The following MAPK6 variants were observed in gnomAD, a reference collection of about 807,000 sequenced individuals.
The protein encoded by MAPK6 is ERK-3.
A neutral mutation model predicts 59.3 loss-of-function variants in MAPK6; 19 were observed. The observed-to-expected ratio is 0.32, with a 90% CI of 0.22 to 0.47. The LOEUF (loss-of-function observed/expected upper bound fraction) is 0.47. Among genes scored for constraint, MAPK6 ranks in the 20% least tolerant of loss-of-function variants. The pLI, the probability that MAPK6 is intolerant of heterozygous loss-of-function variation, is 1.00. For missense variants in MAPK6, 724 were observed against 847.9 expected (o/e 0.85, Z 1.81); for synonymous variants, 316 against 290.3 (o/e 1.09, Z -0.90).
intron 1 of MAPK6, among the ~76,000 whole-genome samples, chr15:52,029,633 C>A (rs561686071): frequency 6.6e-6 from 1 of 152,182 alleles, no homozygotes; most frequent in Admixed American, 6.5e-5. Context: ...CCATAATATT[C>A]TTCCAGTCTT....
chr15:51,996,622 C>T (rs111571533), intron 2 of MAPK6, among the ~76,000 whole-genome samples: 6,080 of 152,072 alleles, frequency 0.04, 287 homozygotes, highest in African/African-American at 0.1. Flanking sequence ...TCTCGAACTC[C>T]TGGCCTCAAG....
At chr15:52,060,286 G>A (rs1318228072) in intron 4 of MAPK6, among the ~76,000 whole-genome samples, 2 of 152,184 alleles carry the variant, frequency 1.3e-5, no homozygotes, top group African/African-American at 4.8e-5. Flanking sequence ...CTAGAGTACA[G>A]GTTGGCTTGA....
At chr15:51,989,401 A>T (rs2057201374) in intron 2 of MAPK6, among the ~76,000 whole-genome samples, 1 of 152,016 alleles carries the variant, frequency 6.6e-6, no homozygotes, top group South Asian at 2.1e-4. Flanking sequence ...TTTTTGCCAT[A>T]TATGGTAACA....
chr15:51,973,704 G>T (rs888060058), intron 1 of MAPK6, among the ~76,000 whole-genome samples: 2 of 151,682 alleles, frequency 1.3e-5, no homozygotes, highest in African/African-American at 4.8e-5. Flanking sequence ...CCAGGCTGGA[G>T]TACAATGGCG....
intron 1 of MAPK6, among the ~76,000 whole-genome samples, chr15:51,982,896 T>G (rs1421062966): frequency 6.6e-6 from 1 of 152,210 alleles, no homozygotes; most frequent in African/African-American, 2.4e-5. Context: ...TGACTGCAGT[T>G]TATTTCCTTA....
chr15:51,985,754 C>G (rs1459722622), intron 2 of MAPK6, among the ~76,000 whole-genome samples: 1 of 152,092 alleles, frequency 6.6e-6, no homozygotes, highest in Admixed American at 6.5e-5. Context: ...GTCAGGACAT[C>G]AAGACCATCC....
upstream of MAPK6, among the ~76,000 whole-genome samples, chr15:52,016,070 G>GCGCGCGCGCACGCA: frequency 1.8e-4 from 10 of 55,392 alleles, no homozygotes; most frequent in African/African-American, 6.3e-4. Context: ...GCGCGCGCGC[G>GCGCGCGCGCACGCA]CACACACACA....
chr15:51,999,273 A>G (rs1335390457), intron 2 of MAPK6, among the ~76,000 whole-genome samples: 2 of 152,078 alleles, frequency 1.3e-5, no homozygotes, highest in African/African-American at 2.4e-5. Context: ...TGCTGGGATT[A>G]TAGGTGTGAG....
intron 1 of MAPK6, among the ~76,000 whole-genome samples, chr15:52,040,640 A>G (rs1054230759): frequency 2.0e-5 from 3 of 152,212 alleles, no homozygotes; most frequent in East Asian, 1.9e-4. Flanking sequence ...TTTTGTTTGC[A>G]TTTCATTACT....
chr15:52,008,156 C>T (rs1040273096), intron 3 of MAPK6, among the ~76,000 whole-genome samples: 3 of 152,078 alleles, frequency 2.0e-5, no homozygotes, highest in Non-Finnish European at 4.4e-5. Flanking sequence ...CCTTATTTCA[C>T]TTCCTGATGC....
At chr15:51,982,784 T>TTATA (rs2057178573) in intron 1 of MAPK6, among the ~76,000 whole-genome samples, 3 of 152,216 alleles carry the variant, frequency 2.0e-5, no homozygotes, top group African/African-American at 7.2e-5. Context: ...AAGTAATCAT[T>TTATA]TATATAAAGT....
intron 1 of MAPK6, among the ~76,000 whole-genome samples, chr15:52,024,353 G>A (rs939644271): frequency 1.3e-5 from 2 of 151,680 alleles, no homozygotes; most frequent in African/African-American, 2.4e-5. Flanking sequence ...CTTCATCTCA[G>A]TCCTACGGTC....
intron 2 of MAPK6, among the ~76,000 whole-genome samples, chr15:51,990,238 T>C (rs2057203812): frequency 1.3e-5 from 2 of 152,130 alleles, no homozygotes; most frequent in African/African-American, 4.8e-5. Flanking sequence ...AAAGAGTTAA[T>C]AGGGAAAAAA....
intron 2 of MAPK6, among the ~76,000 whole-genome samples, chr15:52,048,831 C>G (rs2031680327): frequency 6.6e-6 from 1 of 152,056 alleles, no homozygotes; most frequent in Non-Finnish European, 1.5e-5. Flanking sequence ...CTGGGCAACA[C>G]AGACAACTTT....
intron 2 of MAPK6, among the ~76,000 whole-genome samples, chr15:51,988,364 T>G (rs1379268107): frequency 6.6e-6 from 1 of 151,952 alleles, no homozygotes; most frequent in Non-Finnish European, 1.5e-5. Flanking sequence ...ATTTGAGAAA[T>G]GAGATACTGT....
chr15:52,025,531 C>T (rs1047368777), intron 1 of MAPK6, among the ~76,000 whole-genome samples: 2 of 152,224 alleles, frequency 1.3e-5, no homozygotes, highest in East Asian at 3.9e-4. Context: ...GGCTGGGCGC[C>T]GTGGCTCACG....
At chr15:52,060,561 G>A (rs1215932424) in intron 4 of MAPK6, among the ~76,000 whole-genome samples, 2 of 152,214 alleles carry the variant, frequency 1.3e-5, no homozygotes, top group African/African-American at 4.8e-5. Context: ...GTAGATGGTG[G>A]TGGTGATCCA....
At chr15:52,050,211 T>G in intron 3 of MAPK6, 74 bp downstream of exon 3, 2 of 1,282,442 alleles carry the variant, frequency 1.6e-6, no homozygotes, top group South Asian at 2.7e-5. Context: ...GCAAGATTCA[T>G]ATAAGATTTA....
At chr15:51,991,223 G>A (rs1292620300) in intron 2 of MAPK6, among the ~76,000 whole-genome samples, 1 of 151,322 alleles carries the variant, frequency 6.6e-6, no homozygotes, top group Non-Finnish European at 1.5e-5. Flanking sequence ...GTATATATAT[G>A]TGTATATATG....
Sources: allele counts gnomAD v4.1 joint callset (sites outside exome capture counted in the v4.1 genomes callset), GRCh38; gene constraint gnomAD v4.1.1; transcripts MANE v1.5; gene names NCBI Gene and HGNC (gene_info 2026-07-23, HGNC 2026-07-21).